Variants in CNGA1 observed in about 807,000 individuals in gnomAD.
CNGA1 encodes the protein cyclic nucleotide-gated channel alpha-1.
Under a neutral mutation model 69.7 loss-of-function variants are expected in CNGA1, and 53 were observed. The observed-to-expected ratio is 0.76, with a 90% confidence interval of 0.61 to 0.96. The LOEUF (loss-of-function observed/expected upper bound fraction) is 0.96. Among genes scored for constraint, CNGA1 ranks in the 40% least tolerant of loss-of-function variants. The probability of loss-of-function intolerance (pLI) is 0.00; values close to 1 mark genes in which losing one functional copy is unlikely to be tolerated. For synonymous variants in CNGA1, 249 were observed against 283.5 expected, an observed-to-expected ratio of 0.88 and a Z score of 1.22; for missense variants, 739 against 811.2, an observed-to-expected ratio of 0.91 and a Z score of 1.08.
chr4:47,999,290 C>A (rs1714550562), intron 2 of CNGA1, among the ~76,000 whole-genome samples: 2 of 152,124 alleles, frequency 1.3e-5, no homozygotes, highest in African/African-American at 2.4e-5. Context: ...TTTCAGGCAC[C>A]CCCTGGGGGT....
intron 4 of CNGA1, among the ~76,000 whole-genome samples, chr4:47,952,000 C>T (rs1560626218): frequency 3.9e-5 from 6 of 152,144 alleles, no homozygotes; most frequent in Admixed American, 3.3e-4. Context: ...AGGAAAAGCC[C>T]TGCCATTGAC....
chr4:47,987,987 T>C (rs1485642171), intron 2 of CNGA1, among the ~76,000 whole-genome samples: 1 of 152,082 alleles, frequency 6.6e-6, no homozygotes, highest in Non-Finnish European at 1.5e-5. Flanking sequence ...TCTTAGAAGA[T>C]AGATCAGGTG....
intron 2 of CNGA1, among the ~76,000 whole-genome samples, chr4:48,000,638 G>C (rs2109345459): frequency 6.6e-6 from 1 of 150,920 alleles, no homozygotes; most frequent in East Asian, 2.0e-4. Context: ...AAAGTGCTGT[G>C]AACACAGGTG....
rs551835238 is a variant in CNGA1, at chr4:47,936,547, C to T, written c.1935G>A (p.Glu645=). The T allele has an allele frequency of 6.2e-7, 1 of 1,614,176 alleles. No homozygotes were observed. The highest frequency in any genetic ancestry group is 1.1e-5 in the South Asian group (1 of 91,080). The part of the protein sequence containing the change: ...TRFARILAEY[E]SMQQKLKQRL... ...TTTGTTTCAGTTTCTGCTGCATGGA[C>T]TCATACTCAGCCAAGATTCGGGCAA... Residue 645 remains glutamate, a synonymous_variant, in exon 11 of 11, where the codon GAG becomes GAA. Coordinates refer to ENST00000514170, the MANE Select transcript of CNGA1 (RefSeq NM_001379270.1).
chr4:47,953,480 T>C (rs1240283976), intron 3 of CNGA1, among the ~76,000 whole-genome samples: 1 of 152,158 alleles, frequency 6.6e-6, no homozygotes, highest in Non-Finnish European at 1.5e-5. Context: ...GGGTCTTGAG[T>C]AGTATTCAAA....
At chr4:47,951,898 C>A (rs964120402) in intron 4 of CNGA1, among the ~76,000 whole-genome samples, 1 of 152,186 alleles carries the variant, frequency 6.6e-6, no homozygotes, top group Non-Finnish European at 1.5e-5. Context: ...TTAAATTATA[C>A]TTTTAAATCA....
chr4:48,002,047 G>A (rs2109346777), intron 2 of CNGA1, among the ~76,000 whole-genome samples: 1 of 152,254 alleles, frequency 6.6e-6, no homozygotes, highest in Non-Finnish European at 1.5e-5. Context: ...TGGAGCTAAA[G>A]CAGTATTTGG....
At chr4:47,941,876 G>A (rs1578066546) in intron 9 of CNGA1, among the ~76,000 whole-genome samples, 165 bp downstream of exon 9, 1 of 152,208 alleles carries the variant, frequency 6.6e-6, no homozygotes, top group East Asian at 1.9e-4. Flanking sequence ...ACTTCCTCCT[G>A]ATCCCAGGAA....
At chr4:47,970,629 G>T (rs1231529586) in intron 3 of CNGA1, among the ~76,000 whole-genome samples, 3 of 146,082 alleles carry the variant, frequency 2.1e-5, no homozygotes, top group Non-Finnish European at 4.5e-5. Flanking sequence ...TCCAGCCTGG[G>T]CAACAAGAGC....
At chr4:47,939,592 A>C (rs1738940907) in intron 10 of CNGA1, among the ~76,000 whole-genome samples, 1 of 152,194 alleles carries the variant, frequency 6.6e-6, no homozygotes, top group Non-Finnish European at 1.5e-5. Context: ...TACGACTGGC[A>C]TCTGAAGTGG....
chr4:47,988,537 T>C (rs1742090054), intron 2 of CNGA1, among the ~76,000 whole-genome samples: 2 of 152,132 alleles, frequency 1.3e-5, no homozygotes, highest in Non-Finnish European at 2.9e-5. Context: ...AAAATAATAA[T>C]AATGAAATAA....
In CNGA1 at chr4:47,958,391, G is replaced by A. The variant is rs182024164; in HGVS notation, c.-14-5688C>T. Among the ~76,000 whole-genome samples the A allele has an allele frequency of 1.3e-3, 198 of 152,200 alleles. 1 individual carries two copies. Among genetic ancestry groups the A allele is most frequent in the African/African-American group, 4.2e-3 (176 of 41,526 alleles). Reference sequence around the variant, plus strand: ...TGTAATCCCAGCACTTTGGGAGGCCGAGGCAGGCTGATCACCTGAAGTCAA... The same window carrying A: ...TGTAATCCCAGCACTTTGGGAGGCCAAGGCAGGCTGATCACCTGAAGTCAA... On this transcript the variant is annotated intron_variant, in intron 3 of 10. Transcript: ENST00000514170.
At chr4:47,943,092 T>A (rs1739192072) in intron 8 of CNGA1, 89 bp downstream of exon 8, 1 of 911,806 alleles carries the variant, frequency 1.1e-6, no homozygotes, top group Non-Finnish European at 1.8e-6. Context: ...ACTATAAAGT[T>A]TCTTTCTACT....
intron 2 of CNGA1, among the ~76,000 whole-genome samples, chr4:47,983,102 C>T (rs183276663): frequency 2.0e-5 from 3 of 152,258 alleles, no homozygotes; most frequent in Admixed American, 2.0e-4. Flanking sequence ...CTGAGCCCAG[C>T]CTCAAAATGA....
In CNGA1 at chr4:48,010,878, G is replaced by A. The variant is rs567905104; in HGVS notation, c.-207C>T. The A allele has an allele frequency of 1.1e-4, 17 of 153,134 alleles. No individual in the cohort carries two copies. Among genetic ancestry groups the A allele is most frequent in the East Asian group, 1.9e-4 (1 of 5,198 alleles). 9.5% of individuals were successfully genotyped at this position (153,134 alleles called of 1,614,324 possible). ...TGGTGGGCAGTGGTGGACGGCAAGCGAAAGCTCAGCTCGAGCTGTAACAAA... is the reference window on the plus strand; with the variant it reads ...TGGTGGGCAGTGGTGGACGGCAAGCAAAAGCTCAGCTCGAGCTGTAACAAA... On this transcript the variant is annotated 5_prime_UTR_variant, in exon 2 of 11. Transcript: ENST00000514170.
intron 3 of CNGA1, among the ~76,000 whole-genome samples, chr4:47,969,491 A>G (rs1740902717): frequency 6.6e-6 from 1 of 151,944 alleles, no homozygotes; most frequent in Admixed American, 6.6e-5. Flanking sequence ...TTTTTTTTAG[A>G]TGGAGTCTTG....
intron 1 of CNGA1, among the ~76,000 whole-genome samples, chr4:48,011,269 TGAA>T (rs1337174124): frequency 7.0e-6 from 1 of 143,444 alleles, no homozygotes; most frequent in African/African-American, 2.6e-5. Context: ...TAGATATTAA[TGAA>T]GAACACAGAA....
chr4:47,983,400 C>T (rs1294549471), intron 2 of CNGA1, among the ~76,000 whole-genome samples: 1 of 151,940 alleles, frequency 6.6e-6, no homozygotes, highest in East Asian at 2.0e-4. Context: ...ACCAGCCTGA[C>T]CAACATGAGG....
rs775950690 is a variant in CNGA1, at chr4:47,951,335, ATGGATCATAC to A, written c.224+8_224+17del. The A allele has an allele frequency of 3.4e-6, 5 of 1,484,110 alleles. No individual in the cohort carries two copies. In the South Asian group the frequency reaches 4.5e-5, roughly 13 times the overall value. The allele number at this position is 1,484,110 out of a possible 1,614,324, so 91.9% of individuals were successfully genotyped here. A position where few individuals can be genotyped will look rare whatever the true frequency, so the allele number is the denominator to read the frequency against. On this transcript the variant is annotated splice_region_variant and intron_variant, in intron 5 of 10. Transcript: ENST00000514170. ...AATGGTTAAAAACAAGCACCAAGGG[ATGGATCATAC>A]TGCTCACCTCTGTGATGGTCCTCCC...
Sources: gnomAD v4.1 joint callset for allele counts (sites outside exome capture counted in the v4.1 genomes callset) on GRCh38, gnomAD v4.1.1 for gene constraint, MANE v1.5 for transcripts, NCBI Gene and HGNC (gene_info 2026-07-23, HGNC 2026-07-21) for gene names.